LIPC: variants seen among roughly 807,000 people sequenced by gnomAD.
LIPC encodes the protein lipase C, hepatic type.
Under a neutral mutation model 50.7 loss-of-function variants are expected in LIPC, and 44 were observed. The observed-to-expected ratio is 0.87, with a 90% confidence interval of 0.68 to 1.11. The LOEUF (loss-of-function observed/expected upper bound fraction) is 1.11, where lower values mean the gene tolerates loss of function less well. Among genes scored for constraint, LIPC ranks in the 50% most tolerant of loss-of-function variants. The pLI, the probability that LIPC is intolerant of heterozygous loss-of-function variation, is 0.00. For synonymous variants in LIPC, 271 were observed against 256.4 expected, an observed-to-expected ratio of 1.06 and a Z score of -0.54; for missense variants, 697 against 648.2, an observed-to-expected ratio of 1.08 and a Z score of -0.82.
rs920267838 is a variant in LIPC, at chr15:58,543,159, C to T, written c.574+508C>T. On this transcript the variant is annotated intron_variant, in intron 4 of 8. Transcript: ENST00000299022. ...ACTCCATACACACTCAGAAATGGCC[C>T]AAGATATCCAGGAAGGTCTGCACAT... Among the ~76,000 whole-genome samples, 5 of 152,168 alleles carry T rather than the reference C, an allele frequency of 3.3e-5. No homozygotes were observed. In the South Asian group the frequency reaches 8.3e-4, roughly 25 times the overall value.
At chr15:58,499,048 C>T (rs1411575092) in intron 1 of LIPC, among the ~76,000 whole-genome samples, 1 of 152,158 alleles carries the variant, frequency 6.6e-6, no homozygotes, top group African/African-American at 2.4e-5. Flanking sequence ...TCAGGCAGAG[C>T]AGGATTACTC....
chr15:58,515,533 C>CATATATATAT (rs1555403164), intron 1 of LIPC, among the ~76,000 whole-genome samples: 16 of 141,730 alleles, frequency 1.1e-4, no homozygotes, highest in African/African-American at 3.5e-4. Flanking sequence ...TATACACACA[C>CATATATATAT]ATATATATAT....
At chr15:58,503,359 C>T (rs1892048931) in intron 1 of LIPC, among the ~76,000 whole-genome samples, 1 of 152,060 alleles carries the variant, frequency 6.6e-6, no homozygotes, top group Non-Finnish European at 1.5e-5. Context: ...GTGGAGGGGG[C>T]AGAGTCCAAG....
chr15:58,438,553 G>C (rs1240761878), intron 1 of LIPC, among the ~76,000 whole-genome samples: 14 of 152,328 alleles, frequency 9.2e-5, no homozygotes, highest in African/African-American at 2.9e-4. Flanking sequence ...ACTAGAACAA[G>C]GGGGCCGAGC....
At chr15:58,489,140 T>C (rs1891478650) in intron 1 of LIPC, among the ~76,000 whole-genome samples, 1 of 145,502 alleles carries the variant, frequency 6.9e-6, no homozygotes, top group Non-Finnish European at 1.5e-5. Context: ...AGTATTTGAA[T>C]AGCACCAGAA....
chr15:58,508,724 G>A (rs972032425), intron 1 of LIPC, among the ~76,000 whole-genome samples: 1 of 57,026 alleles, frequency 1.8e-5, no homozygotes, highest in Admixed American at 1.5e-4. Context: ...ATTAGTCCCA[G>A]TTTTTTTTTG....
At chr15:58,533,533 G>T (rs1893017690) in intron 1 of LIPC, among the ~76,000 whole-genome samples, 1 of 152,172 alleles carries the variant, frequency 6.6e-6, no homozygotes, top group Admixed American at 6.5e-5. Context: ...AGAATTGTTT[G>T]TAATAGGGCA....
intron 1 of LIPC, among the ~76,000 whole-genome samples, chr15:58,511,572 A>G (rs118001184): frequency 3.3e-5 from 5 of 152,234 alleles, no homozygotes; most frequent in Admixed American, 2.0e-4. Context: ...CACTATGTCC[A>G]GAAGACAAGG....
intron 1 of LIPC, chr15:58,432,341 T>A (rs1893152297): frequency 1.7e-6 from 1 of 585,314 alleles, no homozygotes; most frequent in Non-Finnish European, 3.0e-6. Context: ...CTTCTAAGAG[T>A]GCCTGCAGCT....
intron 1 of LIPC, among the ~76,000 whole-genome samples, chr15:58,489,516 G>A (rs764958452): frequency 6.6e-6 from 1 of 152,134 alleles, no homozygotes; most frequent in Non-Finnish European, 1.5e-5. Context: ...ATGGAAAACG[G>A]TCCTTGTGCA....
chr15:58,497,937 A>T (rs1438077932), intron 1 of LIPC: 1 of 151,974 alleles, frequency 6.6e-6, no homozygotes, highest in Non-Finnish European at 1.5e-5. Flanking sequence ...TTCATGATGT[A>T]TTTTTTTTCT....
chr15:58,546,053 A>C, intron 5 of LIPC, 78 bp downstream of exon 5: 3 of 1,209,228 alleles, frequency 2.5e-6, no homozygotes, highest in Non-Finnish European at 2.4e-6. Context: ...ATCTACCAAC[A>C]TACGGGACTC....
chr15:58,440,815 A>AG (rs1392789270), intron 1 of LIPC, among the ~76,000 whole-genome samples: 1 of 152,032 alleles, frequency 6.6e-6, no homozygotes. Flanking sequence ...TTGTAAGCAG[A>AG]GGGAAAAAAA....
chr15:58,470,135 T>C (rs1439163486), intron 1 of LIPC, among the ~76,000 whole-genome samples: 7 of 152,030 alleles, frequency 4.6e-5, no homozygotes, highest in Non-Finnish European at 8.8e-5. Context: ...TTTCACCACA[T>C]TGCCCAAGCT....
intron 7 of LIPC, among the ~76,000 whole-genome samples, chr15:58,561,999 A>G (rs769665186): frequency 2.0e-5 from 3 of 152,330 alleles, no homozygotes; most frequent in Admixed American, 1.3e-4. Context: ...TTAAGCACCA[A>G]TCACATACAG....
chr15:58,448,857 T>G (rs1017850247), intron 1 of LIPC, among the ~76,000 whole-genome samples: 1 of 152,240 alleles, frequency 6.6e-6, no homozygotes, highest in South Asian at 2.1e-4. Flanking sequence ...AATACCTTTT[T>G]CAAATGACAG....
At chr15:58,536,302 G>A (rs1045870058) in intron 1 of LIPC, among the ~76,000 whole-genome samples, 2 of 152,162 alleles carry the variant, frequency 1.3e-5, no homozygotes, top group Non-Finnish European at 2.9e-5. Flanking sequence ...CGAAAAGAGA[G>A]GAGGAGGTGG....
chr15:58,441,729 T>C (rs1297225446), intron 1 of LIPC, among the ~76,000 whole-genome samples: 1 of 152,202 alleles, frequency 6.6e-6, no homozygotes. Context: ...AATAATTTAA[T>C]AGTTATCACT....
chr15:58,554,637 G>T (rs1164928564), intron 6 of LIPC, among the ~76,000 whole-genome samples: 2 of 151,098 alleles, frequency 1.3e-5, no homozygotes, highest in Admixed American at 1.3e-4. Flanking sequence ...GCTCACACCT[G>T]TAATCCTAAC....
Sources: gnomAD v4.1 joint callset for allele counts (sites outside exome capture counted in the v4.1 genomes callset) on GRCh38, gnomAD v4.1.1 for gene constraint, MANE v1.5 for transcripts, NCBI Gene and HGNC (gene_info 2026-07-23, HGNC 2026-07-21) for gene names.